The following FCHSD2 variants were observed in gnomAD, a reference collection of about 807,000 sequenced individuals.
The protein encoded by FCHSD2 is F-BAR and double SH3 domains protein 2.
In FCHSD2, 38 loss-of-function variants were observed where a neutral mutation model predicts 108.1. That is an observed-to-expected ratio of 0.35 (90% CI 0.27 to 0.46). FCHSD2 has a LOEUF of 0.46. Ranked by LOEUF, FCHSD2 falls within the 20% of genes least tolerant of loss-of-function variation. The pLI is 1.00. For synonymous variants in FCHSD2, 279 were observed against 314.7 expected (o/e 0.89, Z 1.20); for missense variants, 751 against 897.8 (o/e 0.84, Z 2.09).
chr11:72,974,143 T>TA (rs1395623825), intron 8 of FCHSD2, among the ~76,000 whole-genome samples: 1 of 151,304 alleles, frequency 6.6e-6, no homozygotes, highest in African/African-American at 2.4e-5. Context: ...ACAAACTGGG[T>TA]AATTATAAAC....
intron 3 of FCHSD2, among the ~76,000 whole-genome samples, chr11:73,082,746 T>G (rs913357705): frequency 5.3e-5 from 8 of 152,154 alleles, no homozygotes; most frequent in African/African-American, 1.9e-4. Context: ...CAAAGACAAC[T>G]TTTACAATTT....
intron 2 of FCHSD2, among the ~76,000 whole-genome samples, chr11:73,105,095 C>G (rs1860311163): frequency 3.9e-5 from 6 of 152,080 alleles, no homozygotes; most frequent in African/African-American, 1.4e-4. Flanking sequence ...TATAAGGTAA[C>G]CAGAATAGGT....
At chr11:72,956,225 C>T (rs1856708570) in intron 8 of FCHSD2, among the ~76,000 whole-genome samples, 1 of 152,284 alleles carries the variant, frequency 6.6e-6, no homozygotes, top group Non-Finnish European at 1.5e-5. Context: ...TAAACAAGCA[C>T]ATAAATGGCA....
At chr11:72,933,094 C>T (rs1468016508) in intron 8 of FCHSD2, among the ~76,000 whole-genome samples, 2 of 152,128 alleles carry the variant, frequency 1.3e-5, no homozygotes, top group African/African-American at 4.8e-5. Flanking sequence ...CCTTCTTCTT[C>T]CTTCTAGCAA....
rs1198141474 is a variant in FCHSD2 at position 72,845,381 on chromosome 11, T to C, written c.1444-1849A>G. On this transcript the variant is annotated intron_variant, in intron 14 of 19. Coordinates refer to ENST00000409418, the MANE Select transcript of FCHSD2 (RefSeq NM_014824.3). ...GGTTGCAGGGAGGCAGAGGTTGCAG[T>C]GAGCCGAGATCACACCACTGCACTC... is the stretch of plus-strand genomic sequence containing the variant. Among the ~76,000 whole-genome samples, 9 of 139,078 alleles carry C rather than the reference T, an allele frequency of 6.5e-5. No homozygotes were observed. The East Asian group carries it at 1.9e-3, about 29-fold the overall frequency. The allele number at this position is 139,078 out of a possible 152,430, so 91.2% of individuals were successfully genotyped here.
chr11:73,032,447 A>C lies in FCHSD2; in HGVS notation c.166-16562T>G, dbSNP rs562259109. ...CACTTTATTGCCAAGGTTGGTCTCA[A>C]ACTCCTGGCCTTAAGTGATTCTCCC... On this transcript the variant is annotated intron_variant, in intron 3 of 19. Transcript: ENST00000409418. Among the ~76,000 whole-genome samples the C allele has an allele frequency of 1.2e-4, 19 of 152,276 alleles. No individual in the cohort carries two copies. In the South Asian group the frequency reaches 3.9e-3, roughly 32 times the overall value.
At chr11:72,982,686 G>C (rs1390219931) in intron 8 of FCHSD2, among the ~76,000 whole-genome samples, 1 of 152,162 alleles carries the variant, frequency 6.6e-6, no homozygotes, top group Non-Finnish European at 1.5e-5. Context: ...TACACAAACT[G>C]TAATCTAATC....
chr11:73,019,955 A>C (rs1295533726), intron 3 of FCHSD2, among the ~76,000 whole-genome samples: 1 of 152,238 alleles, frequency 6.6e-6, no homozygotes, highest in Non-Finnish European at 1.5e-5. Context: ...CCAAGCCCAC[A>C]GCACTACTAT....
chr11:72,941,474 C>T lies in FCHSD2; in HGVS notation c.706-19524G>A, dbSNP rs185937757. Among the ~76,000 whole-genome samples the T allele has an allele frequency of 4.2e-5, 4 of 94,948 alleles. 1 individual carries two copies. The highest frequency in any genetic ancestry group is 1.6e-4 in the African/African-American group (4 of 25,032). The allele number at this position is 94,948 out of a possible 152,430, so 62.3% of individuals were successfully genotyped here. A position where few individuals can be genotyped will look rare whatever the true frequency, so the allele number is the denominator to read the frequency against. On this transcript the variant is annotated intron_variant, in intron 8 of 19. Coordinates refer to ENST00000409418, the MANE Select transcript of FCHSD2 (RefSeq NM_014824.3). ...TTGCTTAGTATAAAATATAGACTCC[C>T]AACTCTATTAATATATTACTTATTA...
intron 2 of FCHSD2, among the ~76,000 whole-genome samples, chr11:73,100,893 A>G (rs1233401436): frequency 6.7e-6 from 1 of 148,736 alleles, no homozygotes; most frequent in African/African-American, 2.5e-5. Context: ...TGCTGTTTAG[A>G]GGTCCTTCTT....
intron 3 of FCHSD2, among the ~76,000 whole-genome samples, chr11:73,052,428 C>T (rs1051411927): frequency 2.0e-5 from 3 of 151,872 alleles, no homozygotes; most frequent in African/African-American, 7.3e-5. Flanking sequence ...AAAAAGACAC[C>T]TGTCTAAACA....
At chr11:73,102,923 CTAAA>C (rs1441310999) in intron 2 of FCHSD2, among the ~76,000 whole-genome samples, 1 of 152,052 alleles carries the variant, frequency 6.6e-6, no homozygotes, top group Non-Finnish European at 1.5e-5. Flanking sequence ...AAAAAGAAAA[CTAAA>C]TATTAATATA....
intron 2 of FCHSD2, among the ~76,000 whole-genome samples, chr11:73,096,987 A>AGTTTTTTTTTT (rs1860095700): frequency 3.7e-5 from 1 of 27,020 alleles, no homozygotes; most frequent in Admixed American, 8.4e-4. Context: ...TCATTGATGG[A>AGTTTTTTTTTT]TTTTTTTTTT....
chr11:73,024,374 C>T (rs1858179518), intron 3 of FCHSD2, among the ~76,000 whole-genome samples: 1 of 151,994 alleles, frequency 6.6e-6, no homozygotes, highest in Non-Finnish European at 1.5e-5. Flanking sequence ...CGACTAAAGA[C>T]AAAAAACTGT....
At chr11:73,043,990 G>A (rs1858699803) in intron 3 of FCHSD2, among the ~76,000 whole-genome samples, 1 of 152,172 alleles carries the variant, frequency 6.6e-6, no homozygotes, top group South Asian at 2.1e-4. Context: ...AGGTGAGTGA[G>A]AAATAAATTT....
chr11:73,092,542 T>G (rs979892458), intron 2 of FCHSD2, among the ~76,000 whole-genome samples: 7 of 152,216 alleles, frequency 4.6e-5, no homozygotes, highest in African/African-American at 1.7e-4. Flanking sequence ...TCTTAGTATT[T>G]ATATGTTTGG....
At chr11:72,911,670 CTT>C (rs1210426134) in intron 9 of FCHSD2, among the ~76,000 whole-genome samples, 1 of 151,842 alleles carries the variant, frequency 6.6e-6, no homozygotes, top group African/African-American at 2.4e-5. Flanking sequence ...TCCTTCCTTC[CTT>C]TTTTATTTTT....
chr11:73,106,406 CAA>C (rs781338343), intron 2 of FCHSD2, among the ~76,000 whole-genome samples: 29 of 64,952 alleles, frequency 4.5e-4, no homozygotes, highest in Non-Finnish European at 5.9e-4. Flanking sequence ...ACTCTGTCTC[CAA>C]AAAAAAAAAA....
chr11:73,062,811 A>T (rs2135489656), intron 3 of FCHSD2, among the ~76,000 whole-genome samples: 1 of 152,364 alleles, frequency 6.6e-6, no homozygotes, highest in African/African-American at 2.4e-5. Context: ...TCTACATCTG[A>T]TTGGTGTATC....
Sources: allele counts gnomAD v4.1 joint callset (sites outside exome capture counted in the v4.1 genomes callset), GRCh38; gene constraint gnomAD v4.1.1; transcripts MANE v1.5; gene names NCBI Gene and HGNC (gene_info 2026-07-23, HGNC 2026-07-21).